The following CRACDL variants were observed in gnomAD, a reference collection of about 807,000 sequenced individuals.
The protein encoded by CRACDL is CRACD-like protein.
A neutral mutation model predicts 70.6 loss-of-function variants in CRACDL; 26 were observed. That is an observed-to-expected ratio of 0.37 (90% CI 0.27 to 0.51). The LOEUF is 0.51. CRACDL is among the 20% of genes least tolerant of loss of function. The pLI, the probability that CRACDL is intolerant of heterozygous loss-of-function variation, is 0.94. For synonymous variants in CRACDL, 618 were observed against 615.2 expected (o/e 1.00, Z -0.07); for missense variants, 1,283 against 1,376.9 (o/e 0.93, Z 1.08).
chr2:98,833,107 C>G, intron 3 of CRACDL, 110 bp from the exon 4 acceptor site: 1 of 971,274 alleles, frequency 1.0e-6, no homozygotes, highest in Non-Finnish European at 1.5e-6. Context: ...AAACAACACT[C>G]CCTCTGCTGC....
At chr2:98,821,161 C>T (rs1453432181) in intron 7 of CRACDL, among the ~76,000 whole-genome samples, 1 of 152,132 alleles carries the variant, frequency 6.6e-6, no homozygotes. Context: ...ATTTATTTTC[C>T]CTTTTCTACT....
intron 1 of CRACDL, among the ~76,000 whole-genome samples, chr2:98,907,834 T>G (rs1708451247): frequency 6.6e-6 from 1 of 152,202 alleles, no homozygotes; most frequent in African/African-American, 2.4e-5. Context: ...TGATTACATT[T>G]TAAAAGGTGA....
chr2:98,818,824 C>T (rs1704905536), intron 7 of CRACDL, among the ~76,000 whole-genome samples: 1 of 152,136 alleles, frequency 6.6e-6, no homozygotes, highest in African/African-American at 2.4e-5. Context: ...ATGAGATAGC[C>T]CCTCAAGGTC....
intron 1 of CRACDL, among the ~76,000 whole-genome samples, chr2:98,857,618 G>A (rs1367760684): frequency 6.6e-6 from 1 of 151,934 alleles, no homozygotes; most frequent in African/African-American, 2.4e-5. Flanking sequence ...ACACTTAAAG[G>A]GAAGTAGTAA....
chr2:98,863,839 A>G (rs1308844046), intron 1 of CRACDL, among the ~76,000 whole-genome samples: 3 of 152,172 alleles, frequency 2.0e-5, no homozygotes, highest in East Asian at 1.9e-4. Context: ...TTCCACCTAT[A>G]TGAGGTACTC....
At position 98,800,664 on chromosome 2, in the gene CRACDL, G is replaced by A. The variant is rs550010328; in HGVS notation, c.2417-3127C>T. Among the ~76,000 whole-genome samples the A allele has an allele frequency of 1.8e-4, 27 of 152,272 alleles. No homozygotes were observed. In the South Asian group the frequency reaches 5.0e-3, roughly 28 times the overall value. On this transcript the variant is annotated intron_variant, in intron 7 of 9. Coordinates refer to ENST00000397899, the MANE Select transcript of CRACDL (RefSeq NM_207362.3). ...TCTCCTAAGTCCTCTGTAACCTCTC[G>A]AGACACTTGCCTCACTATGTTTGGT...
chr2:98,858,569 C>T (rs1465801314), intron 1 of CRACDL, among the ~76,000 whole-genome samples: 1 of 149,854 alleles, frequency 6.7e-6, no homozygotes, highest in East Asian at 1.9e-4. Flanking sequence ...CATAACTTTC[C>T]ACTATATAAA....
chr2:98,817,149 G>T (rs1217317116), intron 7 of CRACDL, among the ~76,000 whole-genome samples: 1 of 152,158 alleles, frequency 6.6e-6, no homozygotes, highest in Non-Finnish European at 1.5e-5. Context: ...ATCTAAAATA[G>T]TCAAATTCAT....
rs555012284 is a variant in CRACDL, at chr2:98,919,061, C to T, written c.-11+16877G>A. ...TTTTCTTCTAGTGTTTTTACAGTTT[C>T]AGGTCTTACATTTGAGTCTTTAATC... On this transcript the variant is annotated intron_variant, in intron 1 of 9. Coordinates refer to ENST00000397899, the MANE Select transcript of CRACDL (RefSeq NM_207362.3). 2.0e-5 allele frequency among the ~76,000 whole-genome samples: 3 copies of T among 152,234 alleles called. No homozygotes were observed. The South Asian group carries it at 6.2e-4, about 32-fold the overall frequency.
intron 9 of CRACDL, among the ~76,000 whole-genome samples, chr2:98,795,077 A>ATATATATATATATATTTTTTTTTTTTTTT: frequency 1.7e-5 from 1 of 58,494 alleles, no homozygotes; most frequent in African/African-American, 6.6e-5. Context: ...ATATATATAT[A>ATATATATATATATATTTTTTTTTTTTTTT]TTTTTTTTTT....
chr2:98,928,163 A>C (rs1372077865), intron 1 of CRACDL, among the ~76,000 whole-genome samples: 3 of 152,116 alleles, frequency 2.0e-5, no homozygotes, highest in African/African-American at 7.2e-5. Context: ...CCAGCCTGGG[A>C]GACAAAGCAA....
chr2:98,931,556 C>T (rs17022078), intron 1 of CRACDL, among the ~76,000 whole-genome samples: 1,848 of 152,240 alleles, frequency 0.012, 39 homozygotes, highest in African/African-American at 0.042. Context: ...GTATGGACCT[C>T]AGAGGTTAAG....
At chr2:98,886,850 C>T (rs1342636318) in intron 1 of CRACDL, among the ~76,000 whole-genome samples, 2 of 151,996 alleles carry the variant, frequency 1.3e-5, no homozygotes, top group Non-Finnish European at 2.9e-5. Flanking sequence ...CAAAAAATTA[C>T]AAGATATAAG....
At chr2:98,828,865 T>G (rs1177188767) in intron 5 of CRACDL, among the ~76,000 whole-genome samples, 1 of 152,206 alleles carries the variant, frequency 6.6e-6, no homozygotes, top group Non-Finnish European at 1.5e-5. Flanking sequence ...TGGCTCTCAC[T>G]GTGGTCACTG....
At chr2:98,869,361 G>T in intron 1 of CRACDL, 1 of 993,036 alleles carries the variant, frequency 1.0e-6, no homozygotes, top group Non-Finnish European at 1.3e-6. Flanking sequence ...GCACACAGCA[G>T]AAAAGGCCGT....
intron 2 of CRACDL, among the ~76,000 whole-genome samples, chr2:98,844,083 C>T (rs935832801): frequency 1.3e-5 from 2 of 152,158 alleles, no homozygotes; most frequent in Non-Finnish European, 1.5e-5. Context: ...AGTATTCTTG[C>T]TACAGAATAT....
chr2:98,906,759 G>T (rs959961112), intron 1 of CRACDL, among the ~76,000 whole-genome samples: 12 of 151,986 alleles, frequency 7.9e-5, no homozygotes, highest in Non-Finnish European at 1.5e-4. Flanking sequence ...TTTTTTAATT[G>T]TATGCTGGAT....
intron 5 of CRACDL, among the ~76,000 whole-genome samples, chr2:98,827,457 A>G (rs1705355080): frequency 6.6e-6 from 1 of 151,976 alleles, no homozygotes; most frequent in Non-Finnish European, 1.5e-5. Flanking sequence ...ACACCCAGCT[A>G]ATTTTTGTAT....
chr2:98,926,254 TA>T (rs1558642923), intron 1 of CRACDL, among the ~76,000 whole-genome samples: 1 of 152,188 alleles, frequency 6.6e-6, no homozygotes, highest in Non-Finnish European at 1.5e-5. Flanking sequence ...TTTCTCTTTT[TA>T]AAGAAAATAT....
Sources: gnomAD v4.1 joint callset for allele counts (sites outside exome capture counted in the v4.1 genomes callset) on GRCh38, gnomAD v4.1.1 for gene constraint, MANE v1.5 for transcripts, NCBI Gene and HGNC (gene_info 2026-07-23, HGNC 2026-07-21) for gene names.